FRYL: variants seen among roughly 807,000 people sequenced by gnomAD.
FRYL encodes the protein FRY like transcription coactivator.
Under a neutral mutation model 351.2 loss-of-function variants are expected in FRYL, and 150 were observed. The ratio of observed to expected loss-of-function variants is 0.43; its 90% CI spans 0.37 to 0.49. The LOEUF (loss-of-function observed/expected upper bound fraction) is 0.49. FRYL is among the 20% of genes least tolerant of loss of function. FRYL has a pLI of 0.00. For missense variants in FRYL, 3,036 were observed against 3,619.3 expected, an observed-to-expected ratio of 0.84 and a Z score of 4.13; for synonymous variants, 1,153 against 1,257.1, an observed-to-expected ratio of 0.92 and a Z score of 1.75.
chr4:48,627,359 T>C (rs1392366230), intron 4 of FRYL, among the ~76,000 whole-genome samples: 2 of 152,194 alleles, frequency 1.3e-5, no homozygotes, highest in Non-Finnish European at 2.9e-5. Context: ...CTGATTCAAG[T>C]AGTTTTTTAC....
At position 48,564,806 on chromosome 4, in the gene FRYL, T is replaced by C. The variant is rs1408012199; in HGVS notation, c.3441+127A>G. 3.2e-5 allele frequency: 17 copies of C among 533,678 alleles called. No individual in the cohort carries two copies. The Admixed American group carries it at 4.7e-4, about 15-fold the overall frequency. 33.1% of individuals were successfully genotyped at this position (533,678 alleles called of 1,614,324 possible). ...GGATCCTATTTAACTTTATATAATA[T>C]GCTTTTTGCATATGATCCTAACCTA... On this transcript the variant is annotated intron_variant, in intron 30 of 63. Coordinates refer to ENST00000358350, the MANE Select transcript of FRYL (RefSeq NM_015030.2).
chr4:48,721,498 A>T (rs1218982638), intron 1 of FRYL, among the ~76,000 whole-genome samples: 1 of 152,116 alleles, frequency 6.6e-6, no homozygotes, highest in Non-Finnish European at 1.5e-5. Context: ...CCATCTCTAT[A>T]AGAAGTAAAA....
intron 3 of FRYL, among the ~76,000 whole-genome samples, chr4:48,675,428 A>C (rs1245075494): frequency 1.3e-5 from 2 of 152,098 alleles, no homozygotes; most frequent in African/African-American, 4.8e-5. Flanking sequence ...CAGGCCCGGC[A>C]CTCGGAGCAG....
At chr4:48,597,081 C>A (rs1744740591) in intron 13 of FRYL, among the ~76,000 whole-genome samples, 1 of 152,090 alleles carries the variant, frequency 6.6e-6, no homozygotes, top group South Asian at 2.1e-4. Flanking sequence ...ACTCCCCCAG[C>A]AATTTCCAAT....
intron 3 of FRYL, among the ~76,000 whole-genome samples, chr4:48,673,777 A>G (rs1169942526): frequency 6.6e-6 from 1 of 152,220 alleles, no homozygotes; most frequent in African/African-American, 2.4e-5. Context: ...GGACTTAGAT[A>G]ACATTCACTA....
At chr4:48,716,387 G>T (rs1212307871) in intron 1 of FRYL, among the ~76,000 whole-genome samples, 2 of 151,352 alleles carry the variant, frequency 1.3e-5, no homozygotes, top group Non-Finnish European at 3.0e-5. Flanking sequence ...CTGACAAAGG[G>T]CTAATATCCA....
intron 2 of FRYL, among the ~76,000 whole-genome samples, chr4:48,699,994 T>C (rs1294157434): frequency 6.6e-6 from 1 of 152,138 alleles, no homozygotes; most frequent in South Asian, 2.1e-4. Flanking sequence ...TCTAAAAACC[T>C]AACACCAGGT....
chr4:48,536,865 C>T (rs1729007642), intron 47 of FRYL, among the ~76,000 whole-genome samples: 2 of 152,224 alleles, frequency 1.3e-5, no homozygotes, highest in Non-Finnish European at 1.5e-5. Context: ...GTTTAATAGG[C>T]TTGGAGGGCC....
rs1454883435 is a variant in FRYL, at chr4:48,582,635, T to C, written c.1848A>G (p.Ser616=). The part of the protein sequence containing the change: ...DFPDWREDVL[S]GFVYFIVREV... ...CACGAACAATAAAATAAACAAATCC[T>C]GAAAGAACATCCTCCCGCCAATCTG... Residue 616 remains serine (S), a synonymous_variant, in exon 20 of 64, where the codon TCA becomes TCG. Coordinates refer to ENST00000358350, the MANE Select transcript of FRYL (RefSeq NM_015030.2). The C allele has an allele frequency of 4.3e-6, 7 of 1,614,056 alleles. No individual in the cohort carries two copies. Among genetic ancestry groups the C allele is most frequent in the Non-Finnish European group, 5.9e-6 (7 of 1,179,960 alleles).
chr4:48,600,204 T>C, intron 13 of FRYL, among the ~76,000 whole-genome samples: 1 of 152,156 alleles, frequency 6.6e-6, no homozygotes. Flanking sequence ...AAGGCCTTTA[T>C]CTTGGATCAA....
chr4:48,627,750 G>A (rs6825104), intron 4 of FRYL, among the ~76,000 whole-genome samples: 4,806 of 152,164 alleles, frequency 0.032, 85 homozygotes, highest in Admixed American at 0.047. Context: ...ATGCCCTAAT[G>A]CTTGCTCAAG....
intron 7 of FRYL, among the ~76,000 whole-genome samples, chr4:48,615,564 A>AATCCATGGATTTAGATCCAT (rs1384753748): frequency 3.9e-5 from 6 of 152,218 alleles, no homozygotes. Context: ...CATGGATCTA[A>AATCCATGGATTTAGATCCAT]GCCCTTTGGT....
chr4:48,551,845 A>C (rs1732833283), intron 36 of FRYL, among the ~76,000 whole-genome samples: 1 of 152,208 alleles, frequency 6.6e-6, no homozygotes, highest in South Asian at 2.1e-4. Context: ...AGAAGCTTCC[A>C]TGTTTATATT....
chr4:48,570,986 G>T, intron 26 of FRYL, 68 bp from the exon 27 acceptor site: 1 of 1,250,820 alleles, frequency 8.0e-7, no homozygotes, highest in Non-Finnish European at 1.2e-6. Context: ...TAATGTGACT[G>T]CCTCAGAGAG....
At chr4:48,688,691 TCTCA>T (rs1765403035) in intron 2 of FRYL, among the ~76,000 whole-genome samples, 1 of 140,900 alleles carries the variant, frequency 7.1e-6, no homozygotes, top group South Asian at 2.3e-4. Flanking sequence ...TGAGATGGAG[TCTCA>T]CTCTGTTGCC....
intron 53 of FRYL, among the ~76,000 whole-genome samples, chr4:48,523,326 A>C (rs1039652063): frequency 1.3e-5 from 2 of 152,222 alleles, no homozygotes; most frequent in Non-Finnish European, 2.9e-5. Context: ...TTTTAACGAA[A>C]TAATTTTCTT....
chr4:48,630,879 T>C (rs1752839561), intron 4 of FRYL, among the ~76,000 whole-genome samples: 1 of 152,172 alleles, frequency 6.6e-6, no homozygotes, highest in Non-Finnish European at 1.5e-5. Flanking sequence ...TCCTTGTATC[T>C]GACAAGCCCT....
chr4:48,655,295 C>CAG (rs1758596931), intron 3 of FRYL, among the ~76,000 whole-genome samples: 1 of 152,094 alleles, frequency 6.6e-6, no homozygotes, highest in African/African-American at 2.4e-5. Flanking sequence ...CTAACCAACA[C>CAG]AGAACCATAA....
In FRYL at chr4:48,762,486, C is replaced by G. The variant is rs566908491; in HGVS notation, c.-384+17592G>C. Among the ~76,000 whole-genome samples the G allele has an allele frequency of 1.6e-4, 24 of 152,106 alleles. 1 individual carries two copies. The highest frequency in any genetic ancestry group is 5.1e-4 in the African/African-American group (21 of 41,484). ...AACAATAAATTCTATTTTTAATGTC[C>G]CTAAGGAAAGGTTACAGACACAGGA... is the stretch of plus-strand genomic sequence containing the variant. On this transcript the variant is annotated intron_variant, in intron 1 of 63. Transcript: ENST00000358350.
Sources: allele counts gnomAD v4.1 joint callset (sites outside exome capture counted in the v4.1 genomes callset), GRCh38; gene constraint gnomAD v4.1.1; transcripts MANE v1.5; gene names NCBI Gene and HGNC (gene_info 2026-07-23, HGNC 2026-07-21).